Variants in ANKS1B observed in about 807,000 individuals in gnomAD.
ANKS1B encodes ankyrin repeat and sterile alpha motif domain containing 1B, also known as ankyrin repeat and sterile alpha motif domain-containing protein 1B.
A neutral mutation model predicts 148.3 loss-of-function variants in ANKS1B; 36 were observed. That is an observed-to-expected ratio of 0.24 (90% CI 0.19 to 0.32). The LOEUF (loss-of-function observed/expected upper bound fraction) is 0.32, where lower values mean the gene tolerates loss of function less well. Among genes scored for constraint, ANKS1B ranks in the 10% least tolerant of loss-of-function variants. ANKS1B has a pLI of 1.00. For missense variants in ANKS1B, 1,157 were observed against 1,542.6 expected, an observed-to-expected ratio of 0.75 and a Z score of 4.19; for synonymous variants, 542 against 560.8, an observed-to-expected ratio of 0.97 and a Z score of 0.47.
chr12:99,603,137 G>A (rs1597913692), intron 9 of ANKS1B, among the ~76,000 whole-genome samples: 1 of 152,062 alleles, frequency 6.6e-6, no homozygotes, highest in African/African-American at 2.4e-5. Flanking sequence ...CACCTCCTGG[G>A]TTCAAGCGAT....
chr12:99,222,834 C>G (rs1174031506), intron 14 of ANKS1B, among the ~76,000 whole-genome samples: 1 of 152,128 alleles, frequency 6.6e-6, no homozygotes, highest in Non-Finnish European at 1.5e-5. Flanking sequence ...GGTAAGAACA[C>G]TTCTAACACT....
intron 1 of ANKS1B, among the ~76,000 whole-genome samples, chr12:99,872,624 C>T (rs1030163007): frequency 2.0e-5 from 3 of 152,120 alleles, no homozygotes; most frequent in African/African-American, 7.2e-5. Flanking sequence ...TATGTAATTT[C>T]ATTAAGCTTT....
chr12:98,815,639 C>T (rs1462742678), intron 19 of ANKS1B, among the ~76,000 whole-genome samples: 1 of 152,168 alleles, frequency 6.6e-6, no homozygotes, highest in African/African-American at 2.4e-5. Context: ...CCTCACCTCC[C>T]TGTGAGCTTC....
At chr12:99,226,075 A>G (rs2085889876) in intron 14 of ANKS1B, among the ~76,000 whole-genome samples, 3 of 152,086 alleles carry the variant, frequency 2.0e-5, no homozygotes. Context: ...AAGCCTCCTC[A>G]AATCTGTTTT....
At chr12:99,083,634 A>G (rs1366038084) in intron 16 of ANKS1B, 2 of 152,224 alleles carry the variant, frequency 1.3e-5, no homozygotes, top group Admixed American at 1.3e-4. Flanking sequence ...TATGAAATAC[A>G]CATAACATAA....
intron 8 of ANKS1B, among the ~76,000 whole-genome samples, chr12:99,716,153 A>G (rs2057294605): frequency 6.6e-6 from 1 of 150,478 alleles, no homozygotes; most frequent in Admixed American, 6.6e-5. Context: ...CCGATCCCTT[A>G]TTTCCGTGCC....
At chr12:99,752,471 G>C (rs1486322078) in intron 8 of ANKS1B, among the ~76,000 whole-genome samples, 1 of 151,402 alleles carries the variant, frequency 6.6e-6, no homozygotes, top group East Asian at 2.0e-4. Flanking sequence ...ACGTAATATA[G>C]GTATAACGAA....
intron 9 of ANKS1B, among the ~76,000 whole-genome samples, chr12:99,557,135 C>G (rs954605385): frequency 2.6e-5 from 4 of 152,124 alleles, no homozygotes; most frequent in African/African-American, 7.2e-5. Flanking sequence ...AGAATCTGAT[C>G]AATGTGTGTC....
At chr12:99,965,153 A>T (rs1011698694) in intron 1 of ANKS1B, among the ~76,000 whole-genome samples, 3 of 152,134 alleles carry the variant, frequency 2.0e-5, no homozygotes, top group Non-Finnish European at 2.9e-5. Context: ...ACTTTCCAAT[A>T]AAAGGAACCA....
chr12:99,019,765 T>C (rs2099944685), intron 17 of ANKS1B, among the ~76,000 whole-genome samples: 1 of 152,190 alleles, frequency 6.6e-6, no homozygotes, highest in Admixed American at 6.5e-5. Flanking sequence ...AAACAATCTT[T>C]ACAAATATTT....
intron 12 of ANKS1B, among the ~76,000 whole-genome samples, chr12:99,260,314 T>A (rs545190068): frequency 6.6e-6 from 1 of 152,348 alleles, no homozygotes; most frequent in East Asian, 1.9e-4. Context: ...ACCACTCCGA[T>A]TCAATTTTCA....
intron 24 of ANKS1B, among the ~76,000 whole-genome samples, chr12:98,776,768 C>T (rs966609016): frequency 6.6e-6 from 1 of 152,228 alleles, no homozygotes; most frequent in Admixed American, 6.5e-5. Flanking sequence ...CCCTCCAGGG[C>T]GGGGCCAACA....
In ANKS1B at chr12:99,726,911, C is replaced by A. The variant is rs568567031; in HGVS notation, c.1128+46011G>T. On this transcript the variant is annotated intron_variant, in intron 8 of 26. Coordinates refer to ENST00000683438, the MANE Select transcript of ANKS1B (RefSeq NM_001352186.2). The stretch of plus-strand genomic sequence containing the variant: ...AACCACACGATTATCTCAATAGATG[C>A]AGAAAAGGCCTTTGATAAAATTCAA... Among the ~76,000 whole-genome samples, 53 of 152,220 alleles carry A rather than the reference C, an allele frequency of 3.5e-4. 1 individual carries two copies. The highest frequency in any genetic ancestry group is 1.3e-3 in the African/African-American group (53 of 41,542).
intron 19 of ANKS1B, among the ~76,000 whole-genome samples, chr12:98,821,808 A>G (rs2099195481): frequency 6.6e-6 from 1 of 151,678 alleles, no homozygotes; most frequent in Admixed American, 6.6e-5. Context: ...GGGTTTTGCC[A>G]TGTTGCCCAG....
intron 8 of ANKS1B, among the ~76,000 whole-genome samples, chr12:99,772,531 C>G (rs61940290): frequency 1.3e-5 from 2 of 152,054 alleles, no homozygotes; most frequent in Non-Finnish European, 2.9e-5. Context: ...GGAAACTATA[C>G]GTGTGGCTCT....
intron 9 of ANKS1B, among the ~76,000 whole-genome samples, chr12:99,630,324 T>C (rs191817494): frequency 6.6e-6 from 1 of 152,194 alleles, no homozygotes. Context: ...GATATCTCTG[T>C]TGTAATCAGT....
At chr12:99,518,596 C>CT (rs1478997128) in intron 9 of ANKS1B, among the ~76,000 whole-genome samples, 1 of 152,060 alleles carries the variant, frequency 6.6e-6, no homozygotes, top group South Asian at 2.1e-4. Flanking sequence ...GATCTTCTCT[C>CT]TTTTTTTCTT....
Position 99,447,681 on chromosome 12 carries a change from A to T in ANKS1B, c.1439-3872T>A, listed in dbSNP as rs192417958. ...GTGAAGAAACAATTTATGAAATAGG[A>T]GAAAATATTTGTAAACAGTACCTCT... On this transcript the variant is annotated intron_variant, in intron 10 of 26. Transcript: ENST00000683438. 6.1e-3 allele frequency among the ~76,000 whole-genome samples: 929 copies of T among 152,248 alleles called. 8 individuals are homozygous for T. Among genetic ancestry groups the T allele is most frequent in the African/African-American group, 0.02 (850 of 41,570 alleles).
At chr12:99,802,011 C>T (rs757082809) in intron 4 of ANKS1B, among the ~76,000 whole-genome samples, 1 of 152,002 alleles carries the variant, frequency 6.6e-6, no homozygotes, top group East Asian at 1.9e-4. Flanking sequence ...ATAGAGATGT[C>T]GTGAAATTAT....
Sources: gnomAD v4.1 joint callset for allele counts (sites outside exome capture counted in the v4.1 genomes callset) on GRCh38, gnomAD v4.1.1 for gene constraint, MANE v1.5 for transcripts, NCBI Gene and HGNC (gene_info 2026-07-23, HGNC 2026-07-21) for gene names.